Variants in DPP10 observed in about 807,000 individuals in gnomAD.
The protein encoded by DPP10 is inactive dipeptidyl peptidase 10.
DPP10 carries 33 observed loss-of-function variants against 120.9 expected under a neutral mutation model. That is an observed-to-expected ratio of 0.27 (90% CI 0.21 to 0.37). The LOEUF is 0.37. Ranked by LOEUF, DPP10 falls within the 10% of genes least tolerant of loss-of-function variation. The pLI, the probability that DPP10 is intolerant of heterozygous loss-of-function variation, is 1.00. For missense variants in DPP10, 816 were observed against 942.8 expected (o/e 0.87, Z 1.76); for synonymous variants, 337 against 326.1 (o/e 1.03, Z -0.36).
chr2:115,354,466 G>T (rs1177330946), intron 3 of DPP10, among the ~76,000 whole-genome samples: 1 of 151,850 alleles, frequency 6.6e-6, no homozygotes, highest in Non-Finnish European at 1.5e-5. Context: ...TTTTGTTTCT[G>T]CATTAATTAG....
chr2:115,195,504 T>G (rs1041809324), intron 1 of DPP10, among the ~76,000 whole-genome samples: 3 of 152,234 alleles, frequency 2.0e-5, no homozygotes, highest in Non-Finnish European at 2.9e-5. Flanking sequence ...TGCAGACATA[T>G]TCACACTCTC....
chr2:114,842,077 C>T lies in DPP10; in HGVS notation c.60+399239C>T, dbSNP rs141727798. Among the ~76,000 whole-genome samples, 11 of 152,134 alleles carry T rather than the reference C, an allele frequency of 7.2e-5. No individual in the cohort carries two copies. The East Asian group carries it at 2.1e-3, about 29-fold the overall frequency. ...TTAATAATTATGTCTGGACCATAGTCAAAAGCTTGGATTTTCTAGGCAGAC... is the reference window on the plus strand; with the variant it reads ...TTAATAATTATGTCTGGACCATAGTTAAAAGCTTGGATTTTCTAGGCAGAC... On this transcript the variant is annotated intron_variant, in intron 1 of 25. Coordinates refer to ENST00000410059, the MANE Select transcript of DPP10 (RefSeq NM_020868.6).
chr2:114,516,832 G>A (rs1226307336), intron 1 of DPP10, among the ~76,000 whole-genome samples: 1 of 152,038 alleles, frequency 6.6e-6, no homozygotes, highest in Non-Finnish European at 1.5e-5. Flanking sequence ...TTCTACTTTT[G>A]TTTTATGAAC....
chr2:114,493,233 C>T (rs1260478927), intron 1 of DPP10, among the ~76,000 whole-genome samples: 1 of 152,094 alleles, frequency 6.6e-6, no homozygotes, highest in African/African-American at 2.4e-5. Context: ...CTCCACTATT[C>T]CTATAAGGTA....
intron 5 of DPP10, among the ~76,000 whole-genome samples, chr2:115,576,371 A>C (rs1471045439): frequency 6.6e-6 from 1 of 152,358 alleles, no homozygotes; most frequent in African/African-American, 2.4e-5. Context: ...AATTCTGCTA[A>C]GTTTTCAGCA....
At chr2:114,772,997 T>A (rs1287190172) in intron 1 of DPP10, among the ~76,000 whole-genome samples, 1 of 152,122 alleles carries the variant, frequency 6.6e-6, no homozygotes, top group African/African-American at 2.4e-5. Flanking sequence ...TTAGAGAGAG[T>A]AGGTCACTTC....
intron 1 of DPP10, among the ~76,000 whole-genome samples, chr2:114,673,887 T>A (rs1258192613): frequency 6.6e-6 from 1 of 152,162 alleles, no homozygotes; most frequent in Non-Finnish European, 1.5e-5. Context: ...GTATTAATAC[T>A]GCAACTTATG....
chr2:115,148,819 T>C (rs930015615), intron 1 of DPP10, among the ~76,000 whole-genome samples: 2 of 152,200 alleles, frequency 1.3e-5, no homozygotes, highest in Non-Finnish European at 2.9e-5. Flanking sequence ...GAAGTCTCTA[T>C]ACATTCTCTG....
intron 7 of DPP10, among the ~76,000 whole-genome samples, chr2:115,718,385 T>C (rs1222947611): frequency 6.6e-6 from 1 of 152,164 alleles, no homozygotes; most frequent in Non-Finnish European, 1.5e-5. Context: ...CAGGATGAGA[T>C]CTCATGTCTC....
At chr2:115,499,689 C>T in intron 4 of DPP10, 85 bp downstream of exon 4, 1 of 910,910 alleles carries the variant, frequency 1.1e-6, no homozygotes, top group Non-Finnish European at 1.6e-6. Flanking sequence ...TATTCTTCAG[C>T]TCCAGCATTT....
At chr2:115,415,852 T>TATAG (rs1553592859) in intron 3 of DPP10, among the ~76,000 whole-genome samples, 1 of 132,064 alleles carries the variant, frequency 7.6e-6, no homozygotes, top group East Asian at 2.1e-4. Context: ...TATATATATA[T>TATAG]ATATATATAT....
intron 3 of DPP10, among the ~76,000 whole-genome samples, chr2:115,394,574 C>T (rs1169634632): frequency 6.6e-6 from 1 of 151,732 alleles, no homozygotes; most frequent in African/African-American, 2.4e-5. Context: ...AGTATTTATC[C>T]CAGCATAATA....
At chr2:115,254,960 G>C (rs1192989251) in intron 1 of DPP10, among the ~76,000 whole-genome samples, 1 of 152,090 alleles carries the variant, frequency 6.6e-6, no homozygotes, top group African/African-American at 2.4e-5. Context: ...GCTGTCAGTG[G>C]ATCTGCCATT....
intron 11 of DPP10, among the ~76,000 whole-genome samples, chr2:115,756,154 G>C (rs763158816): frequency 6.6e-6 from 1 of 152,106 alleles, no homozygotes; most frequent in Non-Finnish European, 1.5e-5. Context: ...GAAGTAGAGA[G>C]TAGCATTGTG....
chr2:115,012,308 G>A (rs6716454), intron 1 of DPP10, among the ~76,000 whole-genome samples: 2 of 151,824 alleles, frequency 1.3e-5, no homozygotes, highest in African/African-American at 2.4e-5. Context: ...GGGCAAGTTT[G>A]CATCCTGCGC....
chr2:115,322,598 C>T (rs1213039696), intron 2 of DPP10, among the ~76,000 whole-genome samples: 2 of 152,170 alleles, frequency 1.3e-5, no homozygotes, highest in Non-Finnish European at 2.9e-5. Context: ...AGGTTTATAT[C>T]TTTACCACCT....
chr2:114,466,257 T>C (rs149257481), intron 1 of DPP10, among the ~76,000 whole-genome samples: 1 of 152,342 alleles, frequency 6.6e-6, no homozygotes, highest in East Asian at 1.9e-4. Context: ...ATATTGACAA[T>C]GTGTATTTTA....
chr2:115,033,485 T>C (rs992562685), intron 1 of DPP10, among the ~76,000 whole-genome samples: 5 of 152,126 alleles, frequency 3.3e-5, no homozygotes, highest in Non-Finnish European at 5.9e-5. Flanking sequence ...ACCCTCCAGC[T>C]CCAACTCCTT....
intron 1 of DPP10, among the ~76,000 whole-genome samples, chr2:114,727,733 C>A (rs952643779): frequency 3.3e-5 from 5 of 152,156 alleles, no homozygotes; most frequent in Admixed American, 3.3e-4. Flanking sequence ...TAAAGAACTC[C>A]TATAAACAAA....
Sources: gnomAD v4.1 joint callset for allele counts (sites outside exome capture counted in the v4.1 genomes callset) on GRCh38, gnomAD v4.1.1 for gene constraint, MANE v1.5 for transcripts, NCBI Gene and HGNC (gene_info 2026-07-23, HGNC 2026-07-21) for gene names.